Variants in EIPR1 observed in about 807,000 individuals in gnomAD.
EIPR1 encodes the protein EARP and GARP complex-interacting protein 1.
Under a neutral mutation model 48.1 loss-of-function variants are expected in EIPR1, and 25 were observed. That is an observed-to-expected ratio of 0.52 (90% CI 0.38 to 0.73). EIPR1 has a LOEUF of 0.73. Ranked by LOEUF, EIPR1 falls within the 30% of genes least tolerant of loss-of-function variation. The pLI is 0.00. For synonymous variants in EIPR1, 204 were observed against 201.9 expected, an observed-to-expected ratio of 1.01 and a Z score of -0.09; for missense variants, 415 against 506.2, an observed-to-expected ratio of 0.82 and a Z score of 1.73.
At chr2:3,360,856 G>A (rs541708667) in intron 1 of EIPR1, among the ~76,000 whole-genome samples, 14 of 152,028 alleles carry the variant, frequency 9.2e-5, no homozygotes, top group Admixed American at 4.6e-4. Context: ...AGAAAGGACC[G>A]CTACAAAGCG....
intron 3 of EIPR1, among the ~76,000 whole-genome samples, chr2:3,297,473 A>G (rs909468226): frequency 3.9e-5 from 6 of 152,244 alleles, no homozygotes; most frequent in Non-Finnish European, 7.3e-5. Context: ...AGTCCCTTCT[A>G]CAACGGAGTT....
At chr2:3,245,854 T>C (rs1423755630) in intron 4 of EIPR1, among the ~76,000 whole-genome samples, 1 of 152,172 alleles carries the variant, frequency 6.6e-6, no homozygotes. Flanking sequence ...CGCCCAGCAG[T>C]TTGAGACTAG....
chr2:3,199,967 ATC>A (rs1664969833), intron 5 of EIPR1, among the ~76,000 whole-genome samples: 1 of 139,378 alleles, frequency 7.2e-6, no homozygotes, highest in Non-Finnish European at 1.6e-5. Context: ...GTGTGTCCAC[ATC>A]TAGGTAGAGG....
At chr2:3,291,019 G>GATTA (rs1668348321) in intron 3 of EIPR1, among the ~76,000 whole-genome samples, 1 of 152,170 alleles carries the variant, frequency 6.6e-6, no homozygotes, top group African/African-American at 2.4e-5. Context: ...GAAGTAAACT[G>GATTA]GGTCTAAAAT....
intron 3 of EIPR1, among the ~76,000 whole-genome samples, chr2:3,323,900 G>A (rs1434150043): frequency 6.6e-6 from 1 of 152,230 alleles, no homozygotes; most frequent in African/African-American, 2.4e-5. Flanking sequence ...GGAGGCAGGG[G>A]TGCTCCGCTG....
chr2:3,247,574 C>A (rs1007667259), intron 4 of EIPR1, among the ~76,000 whole-genome samples: 1 of 152,202 alleles, frequency 6.6e-6, no homozygotes, highest in Non-Finnish European at 1.5e-5. Flanking sequence ...TTTATCAGGG[C>A]TCCGAAGGGC....
chr2:3,246,316 T>A (rs1396834350), intron 4 of EIPR1, among the ~76,000 whole-genome samples: 2 of 152,202 alleles, frequency 1.3e-5, no homozygotes, highest in African/African-American at 4.8e-5. Context: ...TCTGTCATAC[T>A]AAACTAAAAT....
chr2:3,217,237 T>C (rs1057295628), intron 4 of EIPR1, among the ~76,000 whole-genome samples: 1 of 152,172 alleles, frequency 6.6e-6, no homozygotes, highest in Non-Finnish European at 1.5e-5. Flanking sequence ...TCGTTTTGGA[T>C]GGAATTTGAA....
Position 3,202,005 on chromosome 2 carries a change from C to T in EIPR1, c.517-4988G>A, listed in dbSNP as rs1347663246. ...AGGCTGGAGTGCAGTGGCGCGATCT[C>T]GGCTCACTGCAAGCTCCAATTCCCG... On this transcript the variant is annotated intron_variant, in intron 5 of 8. Transcript: ENST00000382125. Among the ~76,000 whole-genome samples the T allele has an allele frequency of 2.0e-5, 3 of 152,094 alleles. No individual in the cohort carries two copies. In the East Asian group the frequency reaches 5.8e-4, roughly 29 times the overall value.
At chr2:3,267,138 T>TG (rs1254142703) in intron 3 of EIPR1, among the ~76,000 whole-genome samples, 1 of 152,156 alleles carries the variant, frequency 6.6e-6, no homozygotes, top group Non-Finnish European at 1.5e-5. Context: ...GAGGGCCCAG[T>TG]GGGGTCAGTG....
intron 4 of EIPR1, among the ~76,000 whole-genome samples, chr2:3,255,181 TCTTA>T (rs1667114708): frequency 7.1e-6 from 1 of 140,094 alleles, no homozygotes; most frequent in Non-Finnish European, 1.5e-5. Context: ...ACAATTACTT[TCTTA>T]CTTTCTTTTT....
At chr2:3,222,393 T>C (rs1429201529) in intron 4 of EIPR1, among the ~76,000 whole-genome samples, 2 of 152,292 alleles carry the variant, frequency 1.3e-5, no homozygotes, top group African/African-American at 2.4e-5. Flanking sequence ...CTCAGTCATA[T>C]TATCAGAGGA....
intron 4 of EIPR1, among the ~76,000 whole-genome samples, chr2:3,236,757 G>T (rs1666417290): frequency 6.6e-6 from 1 of 152,136 alleles, no homozygotes; most frequent in Admixed American, 6.5e-5. Context: ...TACAGATGAG[G>T]TAACAAACAC....
chr2:3,340,381 G>A (rs191076858), intron 2 of EIPR1, among the ~76,000 whole-genome samples: 79 of 152,336 alleles, frequency 5.2e-4, no homozygotes, highest in African/African-American at 1.7e-3. Context: ...GGGAGCATGC[G>A]CGCCCGCCCT....
chr2:3,325,958 G>C (rs1342506369), intron 3 of EIPR1, among the ~76,000 whole-genome samples: 1 of 152,250 alleles, frequency 6.6e-6, no homozygotes, highest in Non-Finnish European at 1.5e-5. Flanking sequence ...AGTGAGCCGT[G>C]AGGGCGGATA....
intron 3 of EIPR1, among the ~76,000 whole-genome samples, chr2:3,264,718 C>T (rs967328842): frequency 3.9e-5 from 6 of 151,934 alleles, no homozygotes; most frequent in Non-Finnish European, 7.4e-5. Context: ...GTTTTGAGAC[C>T]GAGTCTCGCT....
intron 3 of EIPR1, among the ~76,000 whole-genome samples, chr2:3,283,970 G>GAAAGAAAA (rs1668098199): frequency 6.8e-6 from 1 of 147,480 alleles, no homozygotes; most frequent in African/African-American, 2.5e-5. Context: ...AAAAAAGAAA[G>GAAAGAAAA]AAAGAAAAAA....
chr2:3,227,927 G>T (rs969756467), intron 4 of EIPR1, among the ~76,000 whole-genome samples: 11 of 152,264 alleles, frequency 7.2e-5, no homozygotes, highest in African/African-American at 2.7e-4. Context: ...CCTCTGCCTA[G>T]ATTTCAGAGG....
At chr2:3,318,284 C>A (rs1373446763) in intron 3 of EIPR1, among the ~76,000 whole-genome samples, 1 of 152,204 alleles carries the variant, frequency 6.6e-6, no homozygotes, top group Non-Finnish European at 1.5e-5. Context: ...TCTAAGCACC[C>A]CCTCGTGGGC....
Sources: gnomAD v4.1 joint callset for allele counts (sites outside exome capture counted in the v4.1 genomes callset) on GRCh38, gnomAD v4.1.1 for gene constraint, MANE v1.5 for transcripts, NCBI Gene and HGNC (gene_info 2026-07-23, HGNC 2026-07-21) for gene names.